Variants in RASGRF1 observed in about 807,000 individuals in gnomAD.
The protein encoded by RASGRF1 is ras-specific guanine nucleotide-releasing factor 1.
In RASGRF1, 40 loss-of-function variants were observed where a neutral mutation model predicts 138.7. The observed-to-expected ratio is 0.29, with a 90% CI of 0.22 to 0.38. The LOEUF (loss-of-function observed/expected upper bound fraction) is 0.38. RASGRF1 is among the 10% of genes least tolerant of loss of function. The probability of loss-of-function intolerance (pLI) is 1.00; values close to 1 mark genes in which losing one functional copy is unlikely to be tolerated. For missense variants in RASGRF1, 1,108 were observed against 1,650.4 expected, an observed-to-expected ratio of 0.67 and a Z score of 5.69; for synonymous variants, 614 against 663.2, an observed-to-expected ratio of 0.93 and a Z score of 1.14.
rs528261975 is a variant in RASGRF1, at chr15:79,045,782, G to C, written c.878+964C>G. Among the ~76,000 whole-genome samples, 482 of 152,290 alleles carry C rather than the reference G, an allele frequency of 3.2e-3. 2 individuals carry two copies. Among genetic ancestry groups the C allele is most frequent in the Non-Finnish European group, 3.8e-3 (256 of 68,034 alleles). The stretch of plus-strand genomic sequence containing the variant: ...AGCACATCACACTGTTAGGGAAAGG[G>C]GGAAGAGAAGGACACAGGGAAGGTG... On this transcript the variant is annotated intron_variant, in intron 5 of 26. Transcript: ENST00000558480.
At chr15:79,048,975 G>A (rs2057392064) in intron 4 of RASGRF1, among the ~76,000 whole-genome samples, 1 of 152,132 alleles carries the variant, frequency 6.6e-6, no homozygotes. Flanking sequence ...GCAGATCCTT[G>A]GTAGCTTCTG....
chr15:79,064,148 A>C (rs1355618336), intron 2 of RASGRF1, among the ~76,000 whole-genome samples: 1 of 152,108 alleles, frequency 6.6e-6, no homozygotes, highest in Non-Finnish European at 1.5e-5. Flanking sequence ...ACCAAACCAA[A>C]TCATACTTGG....
chr15:79,020,432 C>T (rs927806538), intron 10 of RASGRF1, among the ~76,000 whole-genome samples: 3 of 152,236 alleles, frequency 2.0e-5, no homozygotes, highest in Admixed American at 6.5e-5. Flanking sequence ...TCCAGGGCAT[C>T]GCTTCATAGC....
intron 25 of RASGRF1, 152 bp from the exon 26 acceptor site, chr15:78,972,086 T>C (rs2055772424): frequency 5.6e-6 from 4 of 718,338 alleles, no homozygotes; most frequent in South Asian, 1.6e-5. Flanking sequence ...GGAGGCATCA[T>C]GTGTGTTTGT....
In RASGRF1 at chr15:79,027,519, G is replaced by A. The variant is rs191370950; in HGVS notation, c.1381+222C>T. On this transcript the variant is annotated intron_variant, in intron 9 of 26. Coordinates refer to ENST00000558480, the MANE Select transcript of RASGRF1 (RefSeq NM_001145648.3). This position sits in a 1 kb window ranked among gnomAD's most constrained non-coding sequence, Gnocchi z 4.8. Reference sequence around the variant, plus strand: ...AATTCTGTTTACATCTGGAGAGAAGGAAACTGTGAAAACCAATAATATCTG... The same window carrying A: ...AATTCTGTTTACATCTGGAGAGAAGAAAACTGTGAAAACCAATAATATCTG... 3.4e-4 allele frequency among the ~76,000 whole-genome samples: 52 copies of A among 152,302 alleles called. No individual in the cohort carries two copies. The highest frequency in any genetic ancestry group is 1.1e-3 in the African/African-American group (47 of 41,576).
At chr15:78,988,691 G>A (rs1318744941) in intron 22 of RASGRF1, among the ~76,000 whole-genome samples, 1 of 152,208 alleles carries the variant, frequency 6.6e-6, no homozygotes, top group Non-Finnish European at 1.5e-5. Context: ...GCCCTCAAAG[G>A]CTCTTTCCTC....
chr15:78,967,482 G>A (rs1471744832), intron 26 of RASGRF1, among the ~76,000 whole-genome samples: 1 of 152,098 alleles, frequency 6.6e-6, no homozygotes, highest in Admixed American at 6.6e-5. Context: ...TCATGAGGTC[G>A]AGGCTACAGT....
chr15:79,090,639 A>C lies in RASGRF1; in HGVS notation c.-141T>G, dbSNP rs1315978544. The C allele has an allele frequency of 3.4e-6, 4 of 1,175,230 alleles. No homozygotes were observed. Among genetic ancestry groups the C allele is most frequent in the Non-Finnish European group, 3.6e-6 (3 of 844,670 alleles). The allele number at this position is 1,175,230 out of a possible 1,614,324, so 72.8% of individuals were successfully genotyped here. A position where few individuals can be genotyped will look rare whatever the true frequency, so the allele number is the denominator to read the frequency against. On this transcript the variant is annotated 5_prime_UTR_variant, in exon 1 of 27. Transcript: ENST00000558480. ...CTCTCCCCTCCCCCCAAATATCTAC[A>C]CTCCAGGATCTGGCGCCGAGCCGCG...
At chr15:78,969,677 G>C (rs2055712602) in intron 26 of RASGRF1, among the ~76,000 whole-genome samples, 1 of 151,934 alleles carries the variant, frequency 6.6e-6, no homozygotes, top group African/African-American at 2.4e-5. Context: ...TTAAAAAAAA[G>C]AAAAGAAAAG....
At chr15:78,984,797 G>T in intron 23 of RASGRF1, 1 of 587,492 alleles carries the variant, frequency 1.7e-6, no homozygotes, top group South Asian at 1.9e-5. Flanking sequence ...CTCAAGTGGG[G>T]ATTACAGTCC....
chr15:78,986,844 T>A (rs541816987), intron 22 of RASGRF1, among the ~76,000 whole-genome samples: 2 of 152,312 alleles, frequency 1.3e-5, no homozygotes, highest in Non-Finnish European at 2.9e-5. Context: ...AACTACTACT[T>A]AAGAGAATCA....
chr15:78,969,633 C>T (rs146386785), intron 26 of RASGRF1, among the ~76,000 whole-genome samples: 202 of 152,192 alleles, frequency 1.3e-3, no homozygotes, highest in African/African-American at 4.4e-3. Flanking sequence ...CGCGCCATTG[C>T]ACTCCAGCCT....
chr15:79,049,639 C>T, intron 3 of RASGRF1, 51 bp from the exon 4 acceptor site: 2 of 1,531,558 alleles, frequency 1.3e-6, no homozygotes, highest in South Asian at 2.4e-5. Context: ...TCACAGAGGC[C>T]CCAGGTCTTT....
At chr15:78,971,598 A>G (rs1320471724) in intron 26 of RASGRF1, among the ~76,000 whole-genome samples, 1 of 152,162 alleles carries the variant, frequency 6.6e-6, no homozygotes, top group Non-Finnish European at 1.5e-5. Flanking sequence ...GATGTTATCA[A>G]CTCTGCCTGT....
chr15:79,071,363 TC>T (rs2057752552), intron 1 of RASGRF1, among the ~76,000 whole-genome samples: 2 of 148,286 alleles, frequency 1.3e-5, no homozygotes, highest in Admixed American at 6.7e-5. Flanking sequence ...TTTTCTTTTT[TC>T]TTTTTTTTTT....
chr15:79,035,051 G>A (rs2057198661), intron 6 of RASGRF1, 80 bp downstream of exon 6: 1 of 1,255,630 alleles, frequency 8.0e-7, no homozygotes, highest in African/African-American at 1.5e-5. Flanking sequence ...TGCTCTAGAA[G>A]GACAAAACTG....
intron 16 of RASGRF1, 139 bp downstream of exon 16, chr15:79,001,523 G>A: frequency 8.7e-7 from 1 of 1,145,482 alleles, no homozygotes; most frequent in East Asian, 2.8e-5. Flanking sequence ...GGTGGGTTAT[G>A]AAATATCAGA....
chr15:79,033,171 A>G (rs1197553175), intron 6 of RASGRF1, among the ~76,000 whole-genome samples: 2 of 152,156 alleles, frequency 1.3e-5, no homozygotes, highest in Non-Finnish European at 2.9e-5. Context: ...CCAAGTCCCA[A>G]CCAATCTCCC....
chr15:78,977,446 G>A (rs986838536), intron 24 of RASGRF1, among the ~76,000 whole-genome samples: 2 of 152,168 alleles, frequency 1.3e-5, no homozygotes, highest in African/African-American at 4.8e-5. Context: ...CTGCGATGGG[G>A]TGGGGGTGGA....
Sources: gnomAD v4.1 joint callset for allele counts (sites outside exome capture counted in the v4.1 genomes callset) on GRCh38, gnomAD v4.1.1 for gene constraint, Gnocchi (gnomAD v3.1) non-coding constraint, MANE v1.5 for transcripts, NCBI Gene and HGNC (gene_info 2026-07-23, HGNC 2026-07-21) for gene names.